PARD3B: variants seen among roughly 807,000 people sequenced by gnomAD.
The protein encoded by PARD3B is par-3 family cell polarity regulator beta.
Under a neutral mutation model 130.2 loss-of-function variants are expected in PARD3B, and 103 were observed. That is an observed-to-expected ratio of 0.79 (90% CI 0.67 to 0.93). The LOEUF (loss-of-function observed/expected upper bound fraction) is 0.93, where lower values mean the gene tolerates loss of function less well. PARD3B is among the 40% of genes least tolerant of loss of function. The probability of loss-of-function intolerance (pLI) is 0.00; values close to 1 mark genes in which losing one functional copy is unlikely to be tolerated. For synonymous variants in PARD3B, 583 were observed against 553.2 expected, an observed-to-expected ratio of 1.05 and a Z score of -0.76; for missense variants, 1,609 against 1,499.2, an observed-to-expected ratio of 1.07 and a Z score of -1.21.
chr2:205,360,820 C>G (rs1477555518), intron 18 of PARD3B, among the ~76,000 whole-genome samples: 1 of 152,166 alleles, frequency 6.6e-6, no homozygotes, highest in African/African-American at 2.4e-5. Context: ...CCCAGACACA[C>G]GGAAAGCACT....
chr2:204,759,078 T>G (rs2125404027), intron 2 of PARD3B, among the ~76,000 whole-genome samples: 1 of 152,294 alleles, frequency 6.6e-6, no homozygotes, highest in East Asian at 1.9e-4. Context: ...ATATCTAAGC[T>G]ATCAGGCACT....
rs1317658643 is a variant in PARD3B at position 205,589,067 on chromosome 2, C to A, written c.3261-26389C>A. 1.3e-5 allele frequency among the ~76,000 whole-genome samples: 2 copies of A among 152,350 alleles called. No homozygotes were observed. Among genetic ancestry groups the A allele is most frequent in the African/African-American group, 4.8e-5 (2 of 41,586 alleles). ...CACCAGGAGGCTGAGGCAGGTGGATCCTTTGAATCCAGGAGTTTCAGACCA... is the reference window on the plus strand; with the variant it reads ...CACCAGGAGGCTGAGGCAGGTGGATACTTTGAATCCAGGAGTTTCAGACCA... On this transcript the variant is annotated intron_variant, in intron 22 of 22. Transcript: ENST00000406610. The surrounding 1 kb of genome is among the most constrained non-coding windows in gnomAD (Gnocchi z 4.1).
intron 15 of PARD3B, among the ~76,000 whole-genome samples, chr2:205,197,979 T>A (rs2036787002): frequency 6.6e-6 from 1 of 152,204 alleles, no homozygotes; most frequent in African/African-American, 2.4e-5. Flanking sequence ...ATTCAAAGAC[T>A]TTTTGATGAG....
intron 2 of PARD3B, among the ~76,000 whole-genome samples, chr2:204,945,346 A>G (rs2125812241): frequency 6.6e-6 from 1 of 152,328 alleles, no homozygotes; most frequent in Non-Finnish European, 1.5e-5. Flanking sequence ...TAGAAACTGC[A>G]TACTTGTATA....
At chr2:205,536,997 AC>A (rs2051891178) in intron 21 of PARD3B, among the ~76,000 whole-genome samples, 1 of 152,310 alleles carries the variant, frequency 6.6e-6, no homozygotes, top group South Asian at 2.1e-4. Flanking sequence ...AATGGATTAT[AC>A]CATAAGAAGT....
intron 6 of PARD3B, among the ~76,000 whole-genome samples, 160 bp from the exon 7 acceptor site, chr2:205,118,761 T>C (rs2030248203): frequency 6.6e-6 from 1 of 152,244 alleles, no homozygotes; most frequent in South Asian, 2.1e-4. Context: ...GTTTTGGCTT[T>C]TTTTGGATTA....
chr2:204,784,978 G>C (rs2041957883), intron 2 of PARD3B, among the ~76,000 whole-genome samples: 1 of 152,148 alleles, frequency 6.6e-6, no homozygotes, highest in East Asian at 1.9e-4. Context: ...TAAAGCTATG[G>C]AGCTTCCATG....
At chr2:205,156,577 A>G (rs2034185401) in intron 10 of PARD3B, among the ~76,000 whole-genome samples, 1 of 151,776 alleles carries the variant, frequency 6.6e-6, no homozygotes, top group Admixed American at 6.6e-5. Flanking sequence ...TAGGAACCAC[A>G]CTGTGCTTGA....
chr2:205,188,002 A>G (rs1355850229), intron 14 of PARD3B, among the ~76,000 whole-genome samples: 1 of 152,240 alleles, frequency 6.6e-6, no homozygotes, highest in Non-Finnish European at 1.5e-5. Context: ...GACACTGTAG[A>G]AAGAACTCAA....
rs937168221 is a variant in PARD3B, at chr2:205,341,282, C to T, written c.2630+39581C>T. Among the ~76,000 whole-genome samples the T allele has an allele frequency of 6.6e-6, 1 of 151,972 alleles. No homozygotes were observed. The highest frequency in any genetic ancestry group is 1.5e-5 in the Non-Finnish European group (1 of 67,942). On this transcript the variant is annotated intron_variant, in intron 18 of 22. Transcript: ENST00000406610. This position sits in a 1 kb window ranked among gnomAD's most constrained non-coding sequence, Gnocchi z 4.3. ...AAGGAGTCAGTATATCAAAGGGATA[C>T]CTGCACCCGCATGTTTAATGCATCA...
intron 13 of PARD3B, among the ~76,000 whole-genome samples, chr2:205,178,104 G>A (rs1009166768): frequency 2.6e-5 from 3 of 115,528 alleles, no homozygotes; most frequent in South Asian, 3.0e-4. Context: ...TCGGAAGTTC[G>A]AGACCAGCCA....
intron 18 of PARD3B, among the ~76,000 whole-genome samples, chr2:205,395,523 GT>G (rs1272200918): frequency 1.3e-5 from 2 of 152,072 alleles, no homozygotes; most frequent in Non-Finnish European, 2.9e-5. Context: ...TGATCTTTAA[GT>G]GTTACAGTTT....
chr2:204,919,627 T>A (rs1032720212), intron 2 of PARD3B, among the ~76,000 whole-genome samples: 4 of 152,228 alleles, frequency 2.6e-5, no homozygotes, highest in Non-Finnish European at 4.4e-5. Context: ...TTCCAAAAGT[T>A]ATTTATCCTT....
At chr2:205,369,969 C>T (rs1259337692) in intron 18 of PARD3B, among the ~76,000 whole-genome samples, 1 of 152,192 alleles carries the variant, frequency 6.6e-6, no homozygotes, top group Non-Finnish European at 1.5e-5. Context: ...CTTCTCTTGG[C>T]TCATGGCTCC....
chr2:205,223,317 G>A (rs2038345077), intron 15 of PARD3B, among the ~76,000 whole-genome samples: 1 of 152,190 alleles, frequency 6.6e-6, no homozygotes, highest in East Asian at 1.9e-4. Flanking sequence ...GAAAAATTAT[G>A]AAAGTGATGT....
intron 19 of PARD3B, among the ~76,000 whole-genome samples, chr2:205,437,229 C>A: frequency 6.6e-6 from 1 of 152,042 alleles, no homozygotes; most frequent in East Asian, 1.9e-4. Flanking sequence ...ATTTTCTTCC[C>A]AATTTCTCAA....
chr2:205,001,413 C>T (rs978673871), intron 3 of PARD3B, among the ~76,000 whole-genome samples: 2 of 152,144 alleles, frequency 1.3e-5, no homozygotes, highest in African/African-American at 4.8e-5. Context: ...AGGCTGAACC[C>T]CTGTATCTTG....
intron 22 of PARD3B, among the ~76,000 whole-genome samples, chr2:205,586,488 A>T (rs1012032279): frequency 5.9e-5 from 9 of 152,158 alleles, no homozygotes; most frequent in Non-Finnish European, 1.3e-4. Context: ...TTCATCTCAG[A>T]TATTTCGTTC....
intron 3 of PARD3B, among the ~76,000 whole-genome samples, chr2:204,974,643 C>T (rs983914475): frequency 6.6e-6 from 1 of 152,150 alleles, no homozygotes; most frequent in Non-Finnish European, 1.5e-5. Context: ...AGGAAAACTT[C>T]TTGTTTTAGT....
Sources: gnomAD v4.1 joint callset for allele counts (sites outside exome capture counted in the v4.1 genomes callset) on GRCh38, gnomAD v4.1.1 for gene constraint, Gnocchi (gnomAD v3.1) non-coding constraint, MANE v1.5 for transcripts, NCBI Gene and HGNC (gene_info 2026-07-23, HGNC 2026-07-21) for gene names.